BMPR1B: variants seen among roughly 807,000 people sequenced by gnomAD.
BMPR1B encodes the protein bone morphogenetic protein receptor type 1B.
Under a neutral mutation model 59.1 loss-of-function variants are expected in BMPR1B, and 12 were observed. The observed-to-expected ratio is 0.20, with a 90% CI of 0.13 to 0.33. The LOEUF (loss-of-function observed/expected upper bound fraction) is 0.33. Ranked by LOEUF, BMPR1B falls within the 10% of genes least tolerant of loss-of-function variation. The pLI is 1.00. For missense variants in BMPR1B, 550 were observed against 610.9 expected (o/e 0.90, Z 1.05); for synonymous variants, 237 against 207.3 (o/e 1.14, Z -1.23).
At chr4:95,092,261 G>A (rs1356780026) in intron 3 of BMPR1B, among the ~76,000 whole-genome samples, 2 of 152,220 alleles carry the variant, frequency 1.3e-5, no homozygotes, top group African/African-American at 2.4e-5. Context: ...TGTACATTTG[G>A]AGAAGTGAGG....
At position 94,894,081 on chromosome 4, in the gene BMPR1B, A is replaced by C. The variant is rs147322741; in HGVS notation, c.-113+18181A>C. 3.4e-3 allele frequency among the ~76,000 whole-genome samples: 515 copies of C among 152,202 alleles called. 3 individuals are homozygous for C. Among genetic ancestry groups the C allele is most frequent in the Non-Finnish European group, 5.7e-3 (390 of 67,958 alleles). The stretch of plus-strand genomic sequence containing the variant: ...ATCACATATATCTCATAAGCAGGGC[A>C]CTGCTAATATTTTAGTTACCCCATA... On this transcript the variant is annotated intron_variant, in intron 2 of 12. Transcript: ENST00000515059.
chr4:95,004,417 G>GGTT (rs1452751726), intron 3 of BMPR1B, among the ~76,000 whole-genome samples: 3 of 152,126 alleles, frequency 2.0e-5, no homozygotes, highest in Middle Eastern at 3.4e-3. Context: ...TTGATAAGCA[G>GGTT]GTTGTTCTTC....
rs188661090 is a variant in BMPR1B, at chr4:94,921,087, G to A, written c.-113+45187G>A. 6.4e-4 allele frequency among the ~76,000 whole-genome samples: 97 copies of A among 152,204 alleles called. No individual in the cohort carries two copies. In the Middle Eastern group the frequency reaches 0.01, roughly 16 times the overall value. On this transcript the variant is annotated intron_variant, in intron 2 of 12. Transcript: ENST00000515059. Reference sequence around the variant, plus strand: ...ACTTTAACAAAGAGCTGTAGTGGTAGCATTAAGACTCCTACACCCTCACTA... The same window carrying A: ...ACTTTAACAAAGAGCTGTAGTGGTAACATTAAGACTCCTACACCCTCACTA...
rs1440879054 is a variant in BMPR1B at position 94,839,793 on chromosome 4, T to G, written c.-182-36038T>G. 4.4e-4 allele frequency among the ~76,000 whole-genome samples: 63 copies of G among 144,736 alleles called. 2 individuals carry two copies. The highest frequency in any genetic ancestry group is 9.2e-4 in the South Asian group (4 of 4,342). 95.0% of individuals were successfully genotyped at this position (144,736 alleles called of 152,430 possible). A position where few individuals can be genotyped will look rare whatever the true frequency, so the allele number is the denominator to read the frequency against. On this transcript the variant is annotated intron_variant, in intron 1 of 12. Coordinates refer to ENST00000515059, the MANE Select transcript of BMPR1B (RefSeq NM_001203.3). ...TTAATATTGTGATGTGTGAATTTGA[T>G]CCTGTCATTATGATGTTAGCTGGTT...
chr4:95,031,841 T>G (rs1724882890), intron 3 of BMPR1B, among the ~76,000 whole-genome samples: 1 of 152,034 alleles, frequency 6.6e-6, no homozygotes, highest in Admixed American at 6.6e-5. Context: ...GTGGGAGGAT[T>G]GCTTGAGCCC....
intron 2 of BMPR1B, among the ~76,000 whole-genome samples, chr4:94,950,051 G>A (rs1055719524): frequency 1.4e-4 from 22 of 152,286 alleles, no homozygotes; most frequent in African/African-American, 5.1e-4. Context: ...GTGATGATGA[G>A]CTTTTTTTCA....
At chr4:95,082,036 G>T (rs574020295) in intron 3 of BMPR1B, among the ~76,000 whole-genome samples, 1 of 151,448 alleles carries the variant, frequency 6.6e-6, no homozygotes, top group South Asian at 2.1e-4. Flanking sequence ...ACAATGTGCA[G>T]GTTAGTTACA....
chr4:94,771,352 C>T (rs999317493), intron 1 of BMPR1B, among the ~76,000 whole-genome samples: 12 of 152,088 alleles, frequency 7.9e-5, no homozygotes, highest in African/African-American at 2.9e-4. Flanking sequence ...TCTGTTAGAG[C>T]CAGATATTAT....
At chr4:95,137,630 T>TTCC (rs1192720957) in intron 10 of BMPR1B, among the ~76,000 whole-genome samples, 1 of 152,210 alleles carries the variant, frequency 6.6e-6, no homozygotes, top group African/African-American at 2.4e-5. Context: ...TAGTTAGCTC[T>TTCC]TGTTGAATTG....
At chr4:94,963,853 C>T (rs1730459809) in intron 2 of BMPR1B, among the ~76,000 whole-genome samples, 1 of 151,800 alleles carries the variant, frequency 6.6e-6, no homozygotes, top group Admixed American at 6.6e-5. Flanking sequence ...GGATTGTTTT[C>T]TCTATTTCTG....
At chr4:94,863,919 T>G (rs913954557) in intron 1 of BMPR1B, among the ~76,000 whole-genome samples, 1 of 152,218 alleles carries the variant, frequency 6.6e-6, no homozygotes, top group African/African-American at 2.4e-5. Flanking sequence ...TTACAGTTCA[T>G]TAAATGACTA....
At chr4:95,091,270 C>A (rs1018400684) in intron 3 of BMPR1B, among the ~76,000 whole-genome samples, 5 of 150,118 alleles carry the variant, frequency 3.3e-5, no homozygotes, top group African/African-American at 1.2e-4. Context: ...TTTTTCTTTT[C>A]TTTTTTTTTT....
intron 2 of BMPR1B, among the ~76,000 whole-genome samples, chr4:94,949,828 A>G (rs542372178): frequency 4.6e-5 from 7 of 152,286 alleles, no homozygotes; most frequent in Middle Eastern, 3.4e-3. Context: ...ACTGGGTCAA[A>G]TGGTATTTCT....
intron 1 of BMPR1B, among the ~76,000 whole-genome samples, chr4:94,842,169 C>T (rs116076746): frequency 0.019 from 2,817 of 152,234 alleles, 31 homozygotes; most frequent in Non-Finnish European, 0.029. Flanking sequence ...TTTAACTTTA[C>T]GTTATATTTC....
intron 1 of BMPR1B, among the ~76,000 whole-genome samples, chr4:94,861,077 C>T (rs972170680): frequency 6.6e-6 from 1 of 151,882 alleles, no homozygotes. Flanking sequence ...GTGTCTATCT[C>T]TTTTGCCTGG....
At chr4:94,914,891 G>C (rs966986994) in intron 2 of BMPR1B, among the ~76,000 whole-genome samples, 2 of 152,030 alleles carry the variant, frequency 1.3e-5, no homozygotes, top group African/African-American at 4.8e-5. Context: ...GTAAGCTATT[G>C]ATATGAATGC....
chr4:94,852,388 T>G (rs1369730864), intron 1 of BMPR1B, among the ~76,000 whole-genome samples: 1 of 152,170 alleles, frequency 6.6e-6, no homozygotes, highest in Non-Finnish European at 1.5e-5. Flanking sequence ...TTTTGAGGAA[T>G]GATAGAAATT....
chr4:95,129,917 G>A lies in BMPR1B; in HGVS notation c.641G>A (p.Arg214His), dbSNP rs755131943. ...ATGGTGAAACAGATTGGAAAAGGTC[G>A]CTATGGGGAAGTTTGGATGGGAAAG... ...IQMVKQIGKG[R>H]YGEVWMGKWR... Residue 214 changes from arginine (R) to histidine (H), a missense_variant, in exon 9 of 13, where the codon CGC becomes CAC. By Grantham distance (29) the Arg-to-His change is conservative. Around this residue, in one of 6 missense-constraint regions of BMPR1B, gnomAD observed 318 missense variants for 284.6 expected, o/e 1.12. Coordinates refer to ENST00000515059, the MANE Select transcript of BMPR1B (RefSeq NM_001203.3). The A allele has an allele frequency of 3.7e-6, 6 of 1,613,744 alleles. No homozygotes were observed. The highest frequency in any genetic ancestry group is 5.1e-6 in the Non-Finnish European group (6 of 1,179,840).
intron 2 of BMPR1B, among the ~76,000 whole-genome samples, chr4:94,877,126 A>G (rs746709173): frequency 2.6e-5 from 4 of 152,194 alleles, no homozygotes; most frequent in Non-Finnish European, 5.9e-5. Context: ...GCCACATATT[A>G]TGCCACTGTG....
Sources: allele counts gnomAD v4.1 joint callset (sites outside exome capture counted in the v4.1 genomes callset), GRCh38; gene constraint gnomAD v4.1.1; regional missense constraint gnomAD v4.1.1; transcripts MANE v1.5; gene names NCBI Gene and HGNC (gene_info 2026-07-23, HGNC 2026-07-21).